KDM3B: variants seen among roughly 807,000 people sequenced by gnomAD.
KDM3B encodes the protein lysine-specific demethylase 3B.
In KDM3B, 10 loss-of-function variants were observed where a neutral mutation model predicts 170.0. The observed-to-expected ratio is 0.06, with a 90% CI of 0.04 to 0.10. KDM3B has a LOEUF of 0.10. Among genes scored for constraint, KDM3B ranks in the 10% least tolerant of loss-of-function variants. The probability of loss-of-function intolerance (pLI) is 1.00; values close to 1 mark genes in which losing one functional copy is unlikely to be tolerated. For missense variants in KDM3B, 1,394 were observed against 2,195.2 expected, an observed-to-expected ratio of 0.64 and a Z score of 7.29; for synonymous variants, 831 against 834.8, an observed-to-expected ratio of 1.00 and a Z score of 0.08.
rs1561796122 is a variant in KDM3B at position 138,426,977 on chromosome 5, C to T, written c.4414C>T (p.Arg1472Ter). Residue 1472 changes from arginine to a stop codon, truncating the protein, a stop_gained and splice_region_variant, in exon 18 of 24, where the codon CGA (arginine) becomes TGA (stop). Coordinates refer to ENST00000314358, the MANE Select transcript of KDM3B (RefSeq NM_016604.4). LOFTEE classifies it high-confidence loss of function. ...FWDGFEIICKRLRSEDGQPMV... is the reference protein window; with the variant it reads ...FWDGFEIICK ...TGGGAGTATTCTCTGTCTTCCAGAA[C>T]GACTACGGTCAGAAGATGGGCAGCC... 6.2e-7 allele frequency: 1 copy of T among 1,613,232 alleles called. No individual in the cohort carries two copies. The highest frequency in any genetic ancestry group is 2.2e-5 in the East Asian group (1 of 44,866).
chr5:138,408,304 C>T (rs1358478712), intron 11 of KDM3B, among the ~76,000 whole-genome samples: 1 of 151,762 alleles, frequency 6.6e-6, no homozygotes, highest in Non-Finnish European at 1.5e-5. Flanking sequence ...GGAGTCCCCT[C>T]TCTCACGAGA....
At chr5:138,422,814 C>A (rs1267289231) in intron 15 of KDM3B, among the ~76,000 whole-genome samples, 2 of 152,152 alleles carry the variant, frequency 1.3e-5, no homozygotes, top group East Asian at 3.8e-4. Flanking sequence ...TTTATATGTC[C>A]TGCAAATCAT....
At chr5:138,400,891 T>C (rs1284443740) in intron 11 of KDM3B, among the ~76,000 whole-genome samples, 1 of 142,514 alleles carries the variant, frequency 7.0e-6, no homozygotes, top group Non-Finnish European at 1.5e-5. Context: ...AGTCCACTTT[T>C]TTCTCTTTTT....
intron 22 of KDM3B, 23 bp from the exon 23 acceptor site, chr5:138,431,399 TCTC>T: frequency 1.9e-6 from 3 of 1,544,318 alleles, no homozygotes; most frequent in Non-Finnish European, 2.6e-6. Flanking sequence ...GTCTGATATT[TCTC>T]CTCTGCACTT....
In KDM3B at chr5:138,386,483, C is replaced by T. The variant is rs377517887; in HGVS notation, c.1242C>T (p.Gly414=). ...KEAGKTLEQV[G]QGIVASAAVV... Reference sequence around the variant, plus strand: ...CAGGAAAAACACTGGAACAAGTTGGCCAGGGCATAGTGGCTTCCGCAGCTG... The same window carrying T: ...CAGGAAAAACACTGGAACAAGTTGGTCAGGGCATAGTGGCTTCCGCAGCTG... Residue 414 remains glycine (G), a synonymous_variant, in exon 7 of 24, where the codon GGC becomes GGT. Coordinates refer to ENST00000314358, the MANE Select transcript of KDM3B (RefSeq NM_016604.4). The T allele has an allele frequency of 1.9e-6, 3 of 1,614,022 alleles. No individual in the cohort carries two copies. The African/African-American group carries it at 4.0e-5, about 22-fold the overall frequency.
At chr5:138,365,031 T>C (rs1465092397) in intron 1 of KDM3B, among the ~76,000 whole-genome samples, 4 of 152,224 alleles carry the variant, frequency 2.6e-5, no homozygotes, top group African/African-American at 4.8e-5. Flanking sequence ...AACAGAGATA[T>C]TCAACTCATG....
At chr5:138,416,325 C>G (rs1039572900) in intron 12 of KDM3B, among the ~76,000 whole-genome samples, 1 of 151,942 alleles carries the variant, frequency 6.6e-6, no homozygotes, top group African/African-American at 2.4e-5. Context: ...CATGGTGGCT[C>G]ACACCTGTAA....
At position 138,386,188 on chromosome 5, in the gene KDM3B, G is replaced by A; in HGVS notation, c.947G>A (p.Gly316Glu). 3 of 1,614,182 alleles carry A rather than the reference G, an allele frequency of 1.9e-6. No individual in the cohort carries two copies. The highest frequency in any genetic ancestry group is 2.5e-6 in the Non-Finnish European group (3 of 1,180,026). The change falls in exon 7 of 24, where the codon GGA (glycine) becomes GAA (glutamate). Residue 316 changes from glycine to glutamate, a missense_variant. Around this residue, in one of 19 missense-constraint regions of KDM3B, gnomAD observed 205 missense variants for 227.6 expected, o/e 0.90. Coordinates refer to ENST00000314358, the MANE Select transcript of KDM3B (RefSeq NM_016604.4). ...RGEVDSNGSD[G>E]GEASRGPWKG... The stretch of plus-strand genomic sequence containing the variant: ...GAAGTAGACAGTAATGGGAGCGATG[G>A]AGGTGAGGCAAGCCGAGGGCCCTGG...
chr5:138,390,911 A>G, intron 7 of KDM3B, 102 bp from the exon 8 acceptor site: 1 of 1,115,576 alleles, frequency 9.0e-7, no homozygotes, highest in Non-Finnish European at 1.3e-6. Flanking sequence ...AAGTTGATGG[A>G]CCCCCAAGAA....
chr5:138,382,126 A>T (rs1165914215), intron 6 of KDM3B, among the ~76,000 whole-genome samples: 1 of 152,142 alleles, frequency 6.6e-6, no homozygotes, highest in African/African-American at 2.4e-5. Flanking sequence ...GTTTATTCAG[A>T]ATTAATATAG....
intron 14 of KDM3B, among the ~76,000 whole-genome samples, chr5:138,419,623 C>T: frequency 7.2e-6 from 1 of 139,548 alleles, no homozygotes; most frequent in Non-Finnish European, 1.5e-5. Context: ...CCACTGCACT[C>T]CAGCCTGGGT....
At chr5:138,424,043 TCAAGCTTAC>T in intron 15 of KDM3B, 23 bp from the exon 16 acceptor site, 1 of 1,507,318 alleles carries the variant, frequency 6.6e-7, no homozygotes, top group Non-Finnish European at 8.9e-7. Flanking sequence ...GGTGCCTCAG[TCAAGCTTAC>T]CTGGTGGATT....
rs1017692907 is a variant in KDM3B at position 138,420,888 on chromosome 5, G to A, written c.3898G>A (p.Gly1300Arg). Residue 1300 changes from glycine (G) to arginine (R), a missense_variant, in exon 15 of 24, where the codon GGG (glycine) becomes AGG (arginine). Around this residue, in one of 19 missense-constraint regions of KDM3B, gnomAD observed 137 missense variants for 166.9 expected, o/e 0.82. Coordinates refer to ENST00000314358, the MANE Select transcript of KDM3B (RefSeq NM_016604.4). The part of the protein sequence containing the change: ...GSSLRDLLHS[G>R]PGKLPQTPLD... ...TAGCCTTCGAGACCTCCTTCACTCC[G>A]GGCCGGGAAAACTTCCTCAAACCCC... is the stretch of plus-strand genomic sequence containing the variant. The A allele has an allele frequency of 3.1e-6, 5 of 1,614,026 alleles. No individual in the cohort carries two copies. The highest frequency in any genetic ancestry group is 1.3e-5 in the African/African-American group (1 of 75,006).
At chr5:138,362,095 G>A (rs774793494) in intron 1 of KDM3B, among the ~76,000 whole-genome samples, 2 of 152,076 alleles carry the variant, frequency 1.3e-5, no homozygotes, top group African/African-American at 2.4e-5. Context: ...TGAGGTGGGC[G>A]GATCACTTGA....
At chr5:138,353,679 G>C (rs535141143) in intron 1 of KDM3B, among the ~76,000 whole-genome samples, 1 of 152,308 alleles carries the variant, frequency 6.6e-6, no homozygotes, top group East Asian at 1.9e-4. Flanking sequence ...GGGCTGCTGG[G>C]TAGTGCTTTT....
intron 22 of KDM3B, among the ~76,000 whole-genome samples, chr5:138,431,103 C>G (rs1763520487): frequency 6.6e-6 from 1 of 151,726 alleles, no homozygotes; most frequent in South Asian, 2.1e-4. Flanking sequence ...TTTCTTTTTT[C>G]CTTTTTCTTT....
intron 17 of KDM3B, 21 bp from the exon 18 acceptor site, chr5:138,426,954 G>A (rs371949474): frequency 6.3e-7 from 1 of 1,591,980 alleles, no homozygotes; most frequent in Non-Finnish European, 8.6e-7. Context: ...GATGTTTGTG[G>A]GAGTATTCTC....
chr5:138,381,566 G>GGAT lies in KDM3B; in HGVS notation c.757_759dup (p.Asp253dup). The GGAT allele has an allele frequency of 6.2e-7, 1 of 1,605,530 alleles. No individual in the cohort carries two copies. Among genetic ancestry groups the GGAT allele is most frequent in the Non-Finnish European group, 8.5e-7 (1 of 1,172,050 alleles). ...CCAGACTAATCCATGTGATGCTGAT[G>GGAT]GATAATTCAGCGCCTCAAAGCGAGG... On this transcript the variant is annotated inframe_insertion, in exon 6 of 24. Transcript: ENST00000314358.
intron 1 of KDM3B, among the ~76,000 whole-genome samples, chr5:138,355,797 A>G (rs1761434699): frequency 6.6e-6 from 1 of 152,244 alleles, no homozygotes. Context: ...AAAGAAACCC[A>G]TGGATTTTCC....
Sources: gnomAD v4.1 joint callset for allele counts (sites outside exome capture counted in the v4.1 genomes callset) on GRCh38, gnomAD v4.1.1 for gene constraint, gnomAD v4.1.1 regional missense constraint, MANE v1.5 for transcripts, NCBI Gene and HGNC (gene_info 2026-07-23, HGNC 2026-07-21) for gene names.